Variants in FAT3 observed in about 807,000 individuals in gnomAD.
FAT3 encodes the protein protocadherin Fat 3.
A neutral mutation model predicts 310.2 loss-of-function variants in FAT3; 95 were observed. That is an observed-to-expected ratio of 0.31 (90% CI 0.26 to 0.36). The LOEUF is 0.36. Among genes scored for constraint, FAT3 ranks in the 10% least tolerant of loss-of-function variants. The pLI, the probability that FAT3 is intolerant of heterozygous loss-of-function variation, is 1.00. For synonymous variants in FAT3, 2,314 were observed against 2,192.9 expected (o/e 1.06, Z -1.54); for missense variants, 5,408 against 5,715.6 (o/e 0.95, Z 1.74).
At chr11:92,417,529 G>A (rs1036684827) in intron 2 of FAT3, among the ~76,000 whole-genome samples, 8 of 152,178 alleles carry the variant, frequency 5.3e-5, no homozygotes, top group African/African-American at 1.9e-4. Context: ...AAGCCTGGGA[G>A]AGGTCATTGT....
At chr11:92,381,645 AATAG>A (rs1482495627) in intron 2 of FAT3, among the ~76,000 whole-genome samples, 2 of 152,194 alleles carry the variant, frequency 1.3e-5, no homozygotes, top group African/African-American at 2.4e-5. Context: ...TTAAGAAATA[AATAG>A]ATATATTTTT....
At chr11:92,688,417 C>T (rs985858809) in intron 3 of FAT3, among the ~76,000 whole-genome samples, 1 of 151,842 alleles carries the variant, frequency 6.6e-6, no homozygotes, top group Non-Finnish European at 1.5e-5. Context: ...TTTAGATAAG[C>T]CAATAAAAGT....
chr11:92,433,263 C>G (rs1020874138), intron 2 of FAT3, among the ~76,000 whole-genome samples: 11 of 152,138 alleles, frequency 7.2e-5, no homozygotes, highest in African/African-American at 2.4e-4. Context: ...CACTGGCATT[C>G]CAGGCACCAC....
intron 3 of FAT3, among the ~76,000 whole-genome samples, chr11:92,536,742 T>G (rs1449185506): frequency 6.6e-6 from 1 of 152,172 alleles, no homozygotes; most frequent in Non-Finnish European, 1.5e-5. Flanking sequence ...TGATCATCTG[T>G]TGATTTCTAT....
intron 3 of FAT3, among the ~76,000 whole-genome samples, chr11:92,689,322 A>G (rs2135883156): frequency 6.6e-6 from 1 of 152,268 alleles, no homozygotes; most frequent in African/African-American, 2.4e-5. Flanking sequence ...ATTATCCAAT[A>G]TTCAGAATTA....
rs2136352227 is a variant in FAT3, at chr11:92,867,130, G to A, written c.12048G>A (p.Leu4016=). 1.2e-6 allele frequency: 2 copies of A among 1,602,676 alleles called. No individual in the cohort carries two copies. Among genetic ancestry groups the A allele is most frequent in the East Asian group, 2.3e-5 (1 of 44,392 alleles). ...AEVVGLTELK[L]GCVLYPDACK... ...TGGTGGGCCTGACGGAGCTGAAGCT[G>A]GGCTGCGTGCTCTATCCCGACGCCT... The change falls in exon 22 of 28, where the codon CTG becomes CTA. Residue 4016 remains leucine, a synonymous_variant. Coordinates refer to ENST00000525166, the MANE Select transcript of FAT3 (RefSeq NM_001367949.2).
chr11:92,750,106 G>A (rs140669841), intron 4 of FAT3, among the ~76,000 whole-genome samples: 12 of 152,288 alleles, frequency 7.9e-5, no homozygotes, highest in South Asian at 4.2e-4. Flanking sequence ...TTCTTGCTGC[G>A]TGTGGTTGGA....
At chr11:92,858,254 C>T (rs1431764018) in intron 20 of FAT3, among the ~76,000 whole-genome samples, 1 of 152,168 alleles carries the variant, frequency 6.6e-6, no homozygotes, top group Non-Finnish European at 1.5e-5. Context: ...AAAGGGACCA[C>T]CTGGATGCTT....
intron 1 of FAT3, among the ~76,000 whole-genome samples, chr11:92,306,953 G>C: frequency 6.7e-6 from 1 of 149,376 alleles, no homozygotes; most frequent in African/African-American, 2.5e-5. Flanking sequence ...ACCATGTCCG[G>C]CTATTTTTTT....
chr11:92,486,973 A>G (rs1952429811), intron 2 of FAT3, among the ~76,000 whole-genome samples: 1 of 152,184 alleles, frequency 6.6e-6, no homozygotes, highest in Non-Finnish European at 1.5e-5. Flanking sequence ...TAAGGGAGAA[A>G]GAGGCATGAA....
At chr11:92,719,241 A>G (rs1468687280) in intron 4 of FAT3, among the ~76,000 whole-genome samples, 1 of 152,140 alleles carries the variant, frequency 6.6e-6, no homozygotes, top group African/African-American at 2.4e-5. Context: ...TTCCTCCTCT[A>G]TTAGATGAGG....
At chr11:92,375,893 T>A (rs1254572411) in intron 2 of FAT3, among the ~76,000 whole-genome samples, 1 of 152,218 alleles carries the variant, frequency 6.6e-6, no homozygotes, top group South Asian at 2.1e-4. Flanking sequence ...AAGCACATTT[T>A]CTTTTATCAC....
chr11:92,442,359 T>C (rs998997678), intron 2 of FAT3, among the ~76,000 whole-genome samples: 10 of 150,726 alleles, frequency 6.6e-5, no homozygotes, highest in Admixed American at 1.3e-4. Flanking sequence ...GTGATCTGCC[T>C]GCCTCGGCCT....
At chr11:92,715,887 G>C (rs1229067901) in intron 4 of FAT3, among the ~76,000 whole-genome samples, 1 of 152,010 alleles carries the variant, frequency 6.6e-6, no homozygotes, top group African/African-American at 2.4e-5. Flanking sequence ...ACCCTTGGGA[G>C]ACTATGACAG....
intron 4 of FAT3, among the ~76,000 whole-genome samples, chr11:92,739,373 G>T (rs1945442306): frequency 6.6e-6 from 1 of 152,142 alleles, no homozygotes; most frequent in African/African-American, 2.4e-5. Context: ...ACTGAAGCAT[G>T]CAAACAGATA....
chr11:92,257,556 G>A lies in FAT3; in HGVS notation c.-18+32382G>A, dbSNP rs564393232. Among the ~76,000 whole-genome samples the A allele has an allele frequency of 2.6e-4, 40 of 152,160 alleles. No homozygotes were observed. In the South Asian group the frequency reaches 6.2e-3, roughly 24 times the overall value. On this transcript the variant is annotated intron_variant, in intron 1 of 27. Transcript: ENST00000525166. ...AAAAAATATCGACAAAATGTGAAGC[G>A]TACAACCTGTTCCAGTTCTCTTCAA... is the stretch of plus-strand genomic sequence containing the variant.
At chr11:92,665,207 T>C (rs1942912779) in intron 3 of FAT3, among the ~76,000 whole-genome samples, 1 of 152,232 alleles carries the variant, frequency 6.6e-6, no homozygotes, top group Admixed American at 6.5e-5. Flanking sequence ...CAAATGCACG[T>C]TGGCATTTGG....
intron 2 of FAT3, among the ~76,000 whole-genome samples, chr11:92,477,276 G>T (rs988553356): frequency 6.6e-6 from 1 of 152,158 alleles, no homozygotes; most frequent in Non-Finnish European, 1.5e-5. Flanking sequence ...TGGAGTTTCT[G>T]GTGTGAAGTG....
chr11:92,850,692 A>T (rs1948804458), intron 19 of FAT3, among the ~76,000 whole-genome samples: 1 of 152,246 alleles, frequency 6.6e-6, no homozygotes, highest in African/African-American at 2.4e-5. Context: ...TGAGGCAGCA[A>T]CATAAATCAA....
Sources: allele counts gnomAD v4.1 joint callset (sites outside exome capture counted in the v4.1 genomes callset), GRCh38; gene constraint gnomAD v4.1.1; transcripts MANE v1.5; gene names NCBI Gene and HGNC (gene_info 2026-07-23, HGNC 2026-07-21).